PCDHGA10: variants seen among roughly 807,000 people sequenced by gnomAD.
The protein encoded by PCDHGA10 is protocadherin gamma-A10.
PCDHGA10 carries 42 observed loss-of-function variants against 59.5 expected under a neutral mutation model. The ratio of observed to expected loss-of-function variants is 0.71; its 90% CI spans 0.55 to 0.91. PCDHGA10 has a LOEUF of 0.91. PCDHGA10 is among the 40% of genes least tolerant of loss of function. PCDHGA10 has a pLI of 0.00. For synonymous variants in PCDHGA10, 511 were observed against 517.2 expected, an observed-to-expected ratio of 0.99 and a Z score of 0.16; for missense variants, 1,111 against 1,198.2, an observed-to-expected ratio of 0.93 and a Z score of 1.07.
chr5:141,483,648 T>TTG (rs111458813), intron 1 of PCDHGA10, among the ~76,000 whole-genome samples: 1,883 of 149,700 alleles, frequency 0.013, 19 homozygotes, highest in African/African-American at 0.023. Flanking sequence ...GGGTGTGTGT[T>TTG]TGTGTGTGTG....
At chr5:141,433,847 A>AAAAAAAC (rs1296633381) in intron 1 of PCDHGA10, among the ~76,000 whole-genome samples, 1 of 151,976 alleles carries the variant, frequency 6.6e-6, no homozygotes, top group Non-Finnish European at 1.5e-5. Flanking sequence ...CAAAAAAAAA[A>AAAAAAAC]AAAAAAAACT....
At chr5:141,479,056 A>G (rs952560687) in intron 1 of PCDHGA10, among the ~76,000 whole-genome samples, 1 of 152,098 alleles carries the variant, frequency 6.6e-6, no homozygotes, top group Admixed American at 6.5e-5. Context: ...TTCTCAGATA[A>G]TTTTTTATGA....
intron 1 of PCDHGA10, chr5:141,423,612 T>G: frequency 6.2e-7 from 1 of 1,611,004 alleles, no homozygotes; most frequent in Non-Finnish European, 8.5e-7. Flanking sequence ...TCTTGATAGC[T>G]GAAGACTCAG....
Position 141,432,479 on chromosome 5 carries a change from G to A in PCDHGA10, c.2436+16868G>A, listed in dbSNP as rs771261875. ...CGCCCTCCCCACGGACGGTTCCACT[G>A]GCGTGGAGCTGGCTCCCCGCTCCGC... On this transcript the variant is annotated intron_variant, in intron 1 of 3. Transcript: ENST00000398610. The surrounding 1 kb of genome is among the most constrained non-coding windows in gnomAD (Gnocchi z 6.0). The A allele has an allele frequency of 3.8e-5, 62 of 1,614,076 alleles. No individual in the cohort carries two copies. Among genetic ancestry groups the A allele is most frequent in the Non-Finnish European group, 4.9e-5 (58 of 1,180,052 alleles).
rs1358954122 is a variant in PCDHGA10, at chr5:141,491,553, C to T, written c.2437-3254C>T. On this transcript the variant is annotated intron_variant, in intron 1 of 3. Coordinates refer to ENST00000398610, the MANE Select transcript of PCDHGA10 (RefSeq NM_018913.3). This position sits in a 1 kb window ranked among gnomAD's most constrained non-coding sequence, Gnocchi z 6.9. ...CGCTGCGGCCCACAGACTCGCAGAG[C>T]CACTGCTACAGGACGTGCTTTTCAC... The T allele has an allele frequency of 6.2e-7, 1 of 1,613,954 alleles. No homozygotes were observed.
chr5:141,432,173 GTC>G lies in PCDHGA10; in HGVS notation c.2436+16566_2436+16567del. 6.2e-7 allele frequency: 1 copy of G among 1,614,054 alleles called. No individual in the cohort carries two copies. Among genetic ancestry groups the G allele is most frequent in the Non-Finnish European group, 8.5e-7 (1 of 1,180,018 alleles). Reference sequence around the variant, plus strand: ...GAACAATCCCAGAGGAGTTTCCCTCGTCTCTGTGACCGCCCACGACCCCGACT... The same window carrying G: ...GAACAATCCCAGAGGAGTTTCCCTCGTCTGTGACCGCCCACGACCCCGACT... On this transcript the variant is annotated intron_variant, in intron 1 of 3. Coordinates refer to ENST00000398610, the MANE Select transcript of PCDHGA10 (RefSeq NM_018913.3). This position sits in a 1 kb window ranked among gnomAD's most constrained non-coding sequence, Gnocchi z 6.0.
chr5:141,414,496 C>T lies in PCDHGA10; in HGVS notation c.1321C>T (p.His441Tyr). Residue 441 changes from histidine to tyrosine, a missense_variant, in exon 1 of 4, where the codon CAC becomes TAC. Coordinates refer to ENST00000398610, the MANE Select transcript of PCDHGA10 (RefSeq NM_018913.3). Reference sequence around the variant, plus strand: ...AAGTCCTCCTCTATCAACGGAAGCTCACTTTATGCTACAAGTGGCAGATAT... The same window carrying T: ...AAGTCCTCCTCTATCAACGGAAGCTTACTTTATGCTACAAGTGGCAGATAT... Reference protein sequence around the residue: ...GGSPPLSTEAHFMLQVADIND... With the variant: ...GGSPPLSTEAYFMLQVADIND... The T allele has an allele frequency of 4.3e-6, 7 of 1,613,956 alleles. No homozygotes were observed. The highest frequency in any genetic ancestry group is 1.6e-4 in the Middle Eastern group (1 of 6,062).
At chr5:141,424,717 T>G (rs914445969) in intron 1 of PCDHGA10, 1 of 152,202 alleles carries the variant, frequency 6.6e-6, no homozygotes, top group Non-Finnish European at 1.5e-5. Context: ...TCAGTGTAGT[T>G]GGGAGTCATA....
chr5:141,483,255 GTTTT>G (rs147039946), intron 1 of PCDHGA10, among the ~76,000 whole-genome samples: 7,425 of 152,114 alleles, frequency 0.049, 355 homozygotes, highest in African/African-American at 0.13. Context: ...ATATCATGAG[GTTTT>G]TTTGTTTTAG....
At chr5:141,469,896 C>T (rs934040636) in intron 1 of PCDHGA10, among the ~76,000 whole-genome samples, 4 of 152,074 alleles carry the variant, frequency 2.6e-5, no homozygotes, top group Admixed American at 6.5e-5. Context: ...TTTGGGAAGC[C>T]GAGGCAGGCA....
At chr5:141,484,943 C>T (rs542244720) in intron 1 of PCDHGA10, 14 of 546,098 alleles carry the variant, frequency 2.6e-5, no homozygotes, top group African/African-American at 2.3e-4. Flanking sequence ...GTTCTCTGCT[C>T]AGCCTATTGG....
intron 1 of PCDHGA10, chr5:141,420,445 T>C: frequency 9.6e-7 from 1 of 1,044,750 alleles, no homozygotes; most frequent in Non-Finnish European, 1.3e-6. Context: ...AATGCCTCAG[T>C]CTTCCTACTA....
chr5:141,422,410 T>C, intron 1 of PCDHGA10: 1 of 1,601,816 alleles, frequency 6.2e-7, no homozygotes, highest in Non-Finnish European at 8.5e-7. Context: ...GCCTTTTAAA[T>C]TAGAAAAGAC....
rs1206130340 is a variant in PCDHGA10, at chr5:141,473,814, G to A, written c.2437-20993G>A. On this transcript the variant is annotated intron_variant, in intron 1 of 3. Coordinates refer to ENST00000398610, the MANE Select transcript of PCDHGA10 (RefSeq NM_018913.3). ...GTATGATGCTACTGAGGAGCAGCTG[G>A]ACAATTGTGTGATCCAATTAAAATT... Among the ~76,000 whole-genome samples, 5 of 152,188 alleles carry A rather than the reference G, an allele frequency of 3.3e-5. No individual in the cohort carries two copies. The East Asian group carries it at 9.6e-4, about 29-fold the overall frequency.
intron 1 of PCDHGA10, chr5:141,428,826 A>G (rs190740602): frequency 1.3e-5 from 2 of 149,304 alleles, no homozygotes; most frequent in South Asian, 2.1e-4. Context: ...GCTTTCATGT[A>G]TTTTTGAAAC....
At chr5:141,508,434 G>A (rs2099868795) in intron 3 of PCDHGA10, among the ~76,000 whole-genome samples, 1 of 152,160 alleles carries the variant, frequency 6.6e-6, no homozygotes, top group Admixed American at 6.5e-5. Flanking sequence ...AGCTCACACA[G>A]TTCCTTAGTG....
rs2099883627 is a variant in PCDHGA10, at chr5:141,511,136, G to A, written c.2774G>A (p.Gly925Asp). 4.3e-6 allele frequency: 7 copies of A among 1,614,194 alleles called. No homozygotes were observed. The East Asian group carries it at 1.6e-4, about 36-fold the overall frequency. The change falls in exon 4 of 4, where the codon GGC (glycine) becomes GAC (aspartate). Residue 925 changes from glycine (G) to aspartate (D), a missense_variant. Physicochemically the swap from Gly to Asp is moderately conservative, Grantham distance 94. Coordinates refer to ENST00000398610, the MANE Select transcript of PCDHGA10 (RefSeq NM_018913.3). ...GGCAAGGCCCCAGCAGGTGGCAATG[G>A]CAACAAGAAGAAGTCGGGCAAGAAG... Reference protein sequence around the residue: ...RDGKAPAGGNGNKKKSGKKEK... With the variant: ...RDGKAPAGGNDNKKKSGKKEK...
Position 141,485,943 on chromosome 5 carries a change from C to T in PCDHGA10, c.2437-8864C>T, listed in dbSNP as rs750871245. On this transcript the variant is annotated intron_variant, in intron 1 of 3. Transcript: ENST00000398610. This position sits in a 1 kb window ranked among gnomAD's most constrained non-coding sequence, Gnocchi z 5.7. Reference sequence around the variant, plus strand: ...ATTAGTGTGTTGGAGAGCGCACCAGCGGGCATGGTGCTCATCCAGCTCAAT... The same window carrying T: ...ATTAGTGTGTTGGAGAGCGCACCAGTGGGCATGGTGCTCATCCAGCTCAAT... The T allele has an allele frequency of 1.9e-6, 3 of 1,614,126 alleles. No homozygotes were observed. In the South Asian group the frequency reaches 3.3e-5, roughly 18 times the overall value.
At chr5:141,448,150 C>T (rs1182411283) in intron 1 of PCDHGA10, among the ~76,000 whole-genome samples, 4 of 151,924 alleles carry the variant, frequency 2.6e-5, no homozygotes, top group Non-Finnish European at 5.9e-5. Flanking sequence ...CTCAGACTCA[C>T]CCCTGAAAGA....
Sources: gnomAD v4.1 joint callset for allele counts (sites outside exome capture counted in the v4.1 genomes callset) on GRCh38, gnomAD v4.1.1 for gene constraint, Gnocchi (gnomAD v3.1) non-coding constraint, MANE v1.5 for transcripts, NCBI Gene and HGNC (gene_info 2026-07-23, HGNC 2026-07-21) for gene names.